Variants in RLIM observed in about 807,000 individuals in gnomAD.
RLIM encodes the protein E3 ubiquitin-protein ligase RLIM.
Under a neutral mutation model 34.0 loss-of-function variants are expected in RLIM, and 2 were observed. That is an observed-to-expected ratio of 0.06 (90% CI 0.02 to 0.19). The LOEUF is 0.19. Ranked by LOEUF, RLIM falls within the 10% of genes least tolerant of loss-of-function variation. The pLI, the probability that RLIM is intolerant of heterozygous loss-of-function variation, is 1.00. For missense variants in RLIM, 286 were observed against 479.7 expected, an observed-to-expected ratio of 0.60 and a Z score of 3.77; for synonymous variants, 169 against 164.0, an observed-to-expected ratio of 1.03 and a Z score of -0.23.
chrX:74,595,805 A>G lies in RLIM; in HGVS notation c.169+4T>C, dbSNP rs780003677. On this transcript the variant is annotated splice_donor_region_variant and intron_variant, in intron 2 of 3. Coordinates refer to ENST00000332687, the MANE Select transcript of RLIM (RefSeq NM_016120.4). ...TATAAATCCTTAAATATATGTAAGC[A>G]TACCTGGGGTGCCTAGCAAATTGTT... 8.5e-7 allele frequency: 1 copy of G among 1,180,989 alleles called. No individual in the cohort carries two copies. The highest frequency in any genetic ancestry group is 1.1e-6 in the Non-Finnish European group (1 of 877,109).
In RLIM at chrX:74,590,798, CTTT is replaced by C. The variant is rs1165416021; in HGVS notation, c.*639_*641del. On this transcript the variant is annotated 3_prime_UTR_variant, in exon 4 of 4. Coordinates refer to ENST00000332687, the MANE Select transcript of RLIM (RefSeq NM_016120.4). ...TTTTTTTCACTTACACAAGCATAGGCTTTTTAATATTTCCACAAGATAAATATC... is the reference window on the plus strand; with the variant it reads ...TTTTTTTCACTTACACAAGCATAGGCTTAATATTTCCACAAGATAAATATC... 8.9e-6 allele frequency: 1 copy of C among 112,697 alleles called. No homozygotes were observed. Among genetic ancestry groups the C allele is most frequent in the Non-Finnish European group, 1.9e-5 (1 of 53,313 alleles). 9.3% of individuals were successfully genotyped at this position (112,697 alleles called of 1,213,427 possible). A position where few individuals can be genotyped will look rare whatever the true frequency, so the allele number is the denominator to read the frequency against.
At position 74,595,849 on chromosome X, in the gene RLIM, A is replaced by G; in HGVS notation, c.129T>C (p.Asp43=). The change falls in exon 2 of 4, where the codon GAT becomes GAC. Residue 43 remains aspartate (D), a synonymous_variant. Transcript: ENST00000332687. ...AATTGTTATCTCTCATAAGCCTATA[A>G]TCTTCTTCACTCAGGTTATTTACAA... ...YQFVNNLSEE[D]YRLMRDNNLL... is the part of the protein sequence containing the mutation. 2 of 1,207,317 alleles carry G rather than the reference A, an allele frequency of 1.7e-6. No homozygotes were observed. The highest frequency in any genetic ancestry group is 2.2e-6 in the Non-Finnish European group (2 of 892,284).
At chrX:74,595,025 T>C (rs1351264256) in intron 2 of RLIM, among the ~76,000 whole-genome samples, 1 of 110,514 alleles carries the variant, frequency 9.0e-6, no homozygotes, top group Non-Finnish European at 1.9e-5. Context: ...CTGGGCAACA[T>C]GAGACCCTGT....
intron 1 of RLIM, among the ~76,000 whole-genome samples, chrX:74,607,837 C>G (rs1006568349): frequency 8.9e-6 from 1 of 112,780 alleles, no homozygotes; most frequent in African/African-American, 3.2e-5. Context: ...ATGTTAAATA[C>G]CATCACCAAA....
intron 1 of RLIM, among the ~76,000 whole-genome samples, chrX:74,606,428 T>C (rs1269010940): frequency 8.9e-6 from 1 of 111,832 alleles, no homozygotes; most frequent in Non-Finnish European, 1.9e-5. Context: ...AAACAGATTT[T>C]ATTCACTTTG....
intron 1 of RLIM, among the ~76,000 whole-genome samples, chrX:74,609,135 G>T (rs2079695455): frequency 9.0e-6 from 1 of 111,299 alleles, no homozygotes; most frequent in Non-Finnish European, 1.9e-5. Context: ...ACTATTTTAA[G>T]GACCTAAGAT....
chrX:74,614,165 C>T (rs986925328), intron 1 of RLIM, among the ~76,000 whole-genome samples: 6 of 101,155 alleles, frequency 5.9e-5, no homozygotes, highest in Admixed American at 2.1e-4. Context: ...GGCTGCAGCT[C>T]GCGCGGCCAC....
intron 1 of RLIM, among the ~76,000 whole-genome samples, chrX:74,613,395 G>GA (rs1193483446): frequency 1.8e-4 from 19 of 104,770 alleles, no homozygotes; most frequent in African/African-American, 3.8e-4. Context: ...GCCCCAAAAT[G>GA]AAAAAAAAAA....
intron 2 of RLIM, 97 bp downstream of exon 2, chrX:74,595,712 A>T: frequency 1.7e-6 from 1 of 584,707 alleles, no homozygotes; most frequent in Non-Finnish European, 2.6e-6. Context: ...ATAATATTTC[A>T]TAAGGGCTAA....
chrX:74,603,051 C>T (rs1480412490), intron 1 of RLIM, among the ~76,000 whole-genome samples: 1 of 109,499 alleles, frequency 9.1e-6, no homozygotes, highest in Non-Finnish European at 1.9e-5. Flanking sequence ...GATAATCAAG[C>T]AGAAGCTGGA....
intron 1 of RLIM, among the ~76,000 whole-genome samples, chrX:74,598,647 C>T (rs1174367098): frequency 1.8e-5 from 2 of 108,590 alleles, no homozygotes; most frequent in African/African-American, 3.4e-5. Flanking sequence ...GGTGTGGTGG[C>T]GGGCGCCTGT....
intron 1 of RLIM, among the ~76,000 whole-genome samples, chrX:74,609,864 G>A (rs2079700829): frequency 1.8e-5 from 2 of 111,845 alleles, no homozygotes; most frequent in Non-Finnish European, 3.8e-5. Context: ...TAGTCAAGGG[G>A]AGATCAGAAG....
At position 74,590,713 on chromosome X, in the gene RLIM, A is replaced by G. The variant is rs762989384; in HGVS notation, c.*727T>C. The G allele has an allele frequency of 8.8e-6, 1 of 113,069 alleles. No homozygotes were observed. Among genetic ancestry groups the G allele is most frequent in the Non-Finnish European group, 1.9e-5 (1 of 53,403 alleles). The allele number at this position is 113,069 out of a possible 1,213,427, so 9.3% of individuals were successfully genotyped here. A position where few individuals can be genotyped will look rare whatever the true frequency, so the allele number is the denominator to read the frequency against. On this transcript the variant is annotated 3_prime_UTR_variant, in exon 4 of 4. Transcript: ENST00000332687. ...TTTTAATGCATTCATACAACAGTGC[A>G]TTGGAAAAGTACTGAGCCTCTACAA... is the stretch of plus-strand genomic sequence containing the variant.
intron 1 of RLIM, among the ~76,000 whole-genome samples, chrX:74,613,657 T>C (rs1203055255): frequency 4.2e-5 from 4 of 94,167 alleles, no homozygotes; most frequent in Admixed American, 2.4e-4. Flanking sequence ...TTTTTTTTAA[T>C]GGGGGAGGGA....
Position 74,597,915 on chromosome X carries a change from G to A in RLIM, c.-23-1915C>T, listed in dbSNP as rs748707342. On this transcript the variant is annotated intron_variant, in intron 1 of 3. Coordinates refer to ENST00000332687, the MANE Select transcript of RLIM (RefSeq NM_016120.4). Reference sequence around the variant, plus strand: ...GATGGATTTATTTTCTGTGAGAACCGCTCTCAATTACTATTATCAAACAAT... The same window carrying A: ...GATGGATTTATTTTCTGTGAGAACCACTCTCAATTACTATTATCAAACAAT... 4.5e-5 allele frequency among the ~76,000 whole-genome samples: 5 copies of A among 111,783 alleles called. No homozygotes were observed. In the Admixed American group the frequency reaches 4.8e-4, roughly 11 times the overall value.
chrX:74,601,554 T>G (rs1271790154), intron 1 of RLIM, among the ~76,000 whole-genome samples: 1 of 112,144 alleles, frequency 8.9e-6, no homozygotes, highest in Non-Finnish European at 1.9e-5. Flanking sequence ...TTTAACCTTA[T>G]TTGCTTCACA....
chrX:74,610,620 G>A (rs950508680), intron 1 of RLIM, among the ~76,000 whole-genome samples: 1 of 110,705 alleles, frequency 9.0e-6, no homozygotes, highest in Admixed American at 9.6e-5. Context: ...GGCCAGTCGC[G>A]GTGGCTCACG....
rs188428948 is a variant in RLIM at position 74,589,290 on chromosome X, T to C, written c.*2150A>G. The C allele has an allele frequency of 3.6e-5, 4 of 111,751 alleles. No individual in the cohort carries two copies. The highest frequency in any genetic ancestry group is 5.6e-5 in the Non-Finnish European group (3 of 53,147). 9.2% of individuals were successfully genotyped at this position (111,751 alleles called of 1,213,427 possible). The stretch of plus-strand genomic sequence containing the variant: ...GCCAAGAAGAAAATTGATTTGTTTT[T>C]AGCCAATCAAGACTACCCTGCAGAT... On this transcript the variant is annotated 3_prime_UTR_variant, in exon 4 of 4. Transcript: ENST00000332687.
At chrX:74,610,467 C>A (rs1320623178) in intron 1 of RLIM, among the ~76,000 whole-genome samples, 10 of 93,833 alleles carry the variant, frequency 1.1e-4, no homozygotes, top group East Asian at 6.1e-4. Flanking sequence ...ACAAAAAAAA[C>A]CAAAAAAAAA....
Sources: gnomAD v4.1 joint callset for allele counts (sites outside exome capture counted in the v4.1 genomes callset) on GRCh38, gnomAD v4.1.1 for gene constraint, MANE v1.5 for transcripts, NCBI Gene and HGNC (gene_info 2026-07-23, HGNC 2026-07-21) for gene names.